The following CDCP1 variants were observed in gnomAD, a reference collection of about 807,000 sequenced individuals.
CDCP1 encodes CUB domain-containing protein 1.
A neutral mutation model predicts 60.2 loss-of-function variants in CDCP1; 29 were observed. The observed-to-expected ratio is 0.48, with a 90% confidence interval of 0.36 to 0.66. CDCP1 has a LOEUF of 0.66. Among genes scored for constraint, CDCP1 ranks in the 30% least tolerant of loss-of-function variants. CDCP1 has a pLI of 0.00. For missense variants in CDCP1, 876 were observed against 1,074.3 expected (o/e 0.82, Z 2.58); for synonymous variants, 387 against 431.1 (o/e 0.90, Z 1.27).
chr3:45,091,312 G>T lies in CDCP1; in HGVS notation c.1854C>A (p.Ile618=). 1.9e-6 allele frequency: 3 copies of T among 1,614,112 alleles called. No individual in the cohort carries two copies. The highest frequency in any genetic ancestry group is 2.5e-6 in the Non-Finnish European group (3 of 1,180,030). ...GGAGCACATCCTCGTCCAGGCTGAA[G>T]ATCTCCTCAGCCCGGGTCCGCTGCT... ...IQEQRTRAEE[I]FSLDEDVLPK... Residue 618 remains isoleucine (I), a synonymous_variant, in exon 7 of 9, where the codon ATC becomes ATA. Transcript: ENST00000296129. This position sits in a 1 kb window ranked among gnomAD's most constrained non-coding sequence, Gnocchi z 4.8.
At chr3:45,126,155 T>TTTCC (rs1698988665) in intron 1 of CDCP1, among the ~76,000 whole-genome samples, 1 of 143,286 alleles carries the variant, frequency 7.0e-6, no homozygotes, top group African/African-American at 2.7e-5. Context: ...TCTTTCTTTC[T>TTTCC]TTCTTTCTTT....
At chr3:45,132,588 C>T (rs558853571) in intron 1 of CDCP1, among the ~76,000 whole-genome samples, 2 of 23,352 alleles carry the variant, frequency 8.6e-5, no homozygotes, top group African/African-American at 1.1e-4. Context: ...GTAATACTCC[C>T]TGCTTCTGTG....
chr3:45,086,106 C>CAAG, intron 8 of CDCP1, 39 bp from the exon 9 acceptor site: 1 of 1,570,344 alleles, frequency 6.4e-7, no homozygotes, highest in Non-Finnish European at 8.7e-7. Context: ...GTCAGAAAGG[C>CAAG]AAGAATCTTC....
At chr3:45,121,704 C>T (rs1159726650) in intron 1 of CDCP1, among the ~76,000 whole-genome samples, 1 of 152,136 alleles carries the variant, frequency 6.6e-6, no homozygotes, top group African/African-American at 2.4e-5. Flanking sequence ...TACCAGGGGG[C>T]AAAGCAGACC....
chr3:45,093,129 C>T (rs1260119408), intron 6 of CDCP1, 148 bp downstream of exon 6: 1 of 839,528 alleles, frequency 1.2e-6, no homozygotes, highest in Non-Finnish European at 1.8e-6. Flanking sequence ...GATTAGGACT[C>T]ACTATCTTTC....
chr3:45,095,559 T>A lies in CDCP1; in HGVS notation c.1034A>T (p.Tyr345Phe), dbSNP rs982050648. The stretch of plus-strand genomic sequence containing the variant: ...TCGCTCATTACTCAAGTCAACCACG[T>A]AGATTTTATCTGAAACCACAAACAG... The part of the protein sequence containing the change: ...QHPQNESNKI[Y>F]VVDLSNERAM... The change falls in exon 5 of 9, where the codon TAC becomes TTC. Residue 345 changes from tyrosine to phenylalanine, a missense_variant. Coordinates refer to ENST00000296129, the MANE Select transcript of CDCP1 (RefSeq NM_022842.5). The A allele has an allele frequency of 9.9e-6, 16 of 1,613,830 alleles. No homozygotes were observed. The highest frequency in any genetic ancestry group is 1.6e-4 in the Middle Eastern group (1 of 6,084).
chr3:45,107,004 C>T (rs921593815), intron 4 of CDCP1, among the ~76,000 whole-genome samples: 1 of 152,136 alleles, frequency 6.6e-6, no homozygotes, highest in East Asian at 1.9e-4. Context: ...ACAGATGGGG[C>T]CTCCTGCACA....
In CDCP1 at chr3:45,085,509, T is replaced by A; in HGVS notation, c.*129A>T. ...CCACTGAGCAATGTGAAGTTGGCGG[T>A]GTCCAGGAAAACCTCCTGCTGTTCC... On this transcript the variant is annotated 3_prime_UTR_variant, in exon 9 of 9. Coordinates refer to ENST00000296129, the MANE Select transcript of CDCP1 (RefSeq NM_022842.5). The surrounding 1 kb of genome is among the most constrained non-coding windows in gnomAD (Gnocchi z 4.2). The A allele has an allele frequency of 1.1e-6, 1 of 901,640 alleles. No homozygotes were observed. Among genetic ancestry groups the A allele is most frequent in the South Asian group, 1.6e-5 (1 of 60,612 alleles). The allele number at this position is 901,640 out of a possible 1,614,324, so 55.9% of individuals were successfully genotyped here.
At chr3:45,119,548 T>C (rs1179018031) in intron 1 of CDCP1, among the ~76,000 whole-genome samples, 3 of 152,232 alleles carry the variant, frequency 2.0e-5, no homozygotes, top group Non-Finnish European at 4.4e-5. Flanking sequence ...ACAGTTCATG[T>C]AGCACCATGT....
intron 1 of CDCP1, among the ~76,000 whole-genome samples, chr3:45,124,672 T>C (rs753850831): frequency 2.0e-5 from 3 of 152,170 alleles, no homozygotes; most frequent in Non-Finnish European, 4.4e-5. Context: ...GCAGCTGGTG[T>C]TTCCTCCATC....
rs56655432 is a variant in CDCP1, at chr3:45,088,558, T to A, written c.2081+496A>T. ...ACTGAGGCAGTTAACTGGGCCTTCC[T>A]TCCTCTGGGCCACAGGCCTGGCCTC... is the stretch of plus-strand genomic sequence containing the variant. On this transcript the variant is annotated intron_variant, in intron 8 of 8. Coordinates refer to ENST00000296129, the MANE Select transcript of CDCP1 (RefSeq NM_022842.5). Among the ~76,000 whole-genome samples, 14 of 152,342 alleles carry A rather than the reference T, an allele frequency of 9.2e-5. No homozygotes were observed. The East Asian group carries it at 2.7e-3, about 29-fold the overall frequency.
At chr3:45,097,871 T>G (rs1244361415) in intron 4 of CDCP1, among the ~76,000 whole-genome samples, 1 of 152,238 alleles carries the variant, frequency 6.6e-6, no homozygotes, top group East Asian at 1.9e-4. Context: ...ATTAGAGAGA[T>G]GCCATGTCTA....
chr3:45,112,391 G>A lies in CDCP1; in HGVS notation c.347C>T (p.Ser116Leu), dbSNP rs1258029043. Reference protein sequence around the residue: ...FGEVQLQPSTSLLPTLNRTFI... With the variant: ...FGEVQLQPSTLLLPTLNRTFI... ...AGTTCTGTTGAGGGTAGGCAACAAC[G>A]ATGTCGAGGGCTGAAGCTGAACCTC... Residue 116 changes from serine (S) to leucine (L), a missense_variant, in exon 3 of 9, where the codon TCG becomes TTG. Ser to Leu is a moderately radical substitution (Grantham distance 145). This residue lies in a region of CDCP1 where 726 missense variants were observed against 935.7 expected (regional missense o/e 0.78). Transcript: ENST00000296129. 6.2e-7 allele frequency: 1 copy of A among 1,614,092 alleles called. No individual in the cohort carries two copies. The highest frequency in any genetic ancestry group is 1.3e-5 in the African/African-American group (1 of 74,940).
chr3:45,146,252 C>A lies in CDCP1; in HGVS notation c.36G>T (p.Leu12=). 1 of 1,597,332 alleles carries A rather than the reference C, an allele frequency of 6.3e-7. No individual in the cohort carries two copies. The highest frequency in any genetic ancestry group is 8.5e-7 in the Non-Finnish European group (1 of 1,174,050). Residue 12 remains leucine, a synonymous_variant, in exon 1 of 9, where the codon CTG becomes CTT. Coordinates refer to ENST00000296129, the MANE Select transcript of CDCP1 (RefSeq NM_022842.5). The part of the protein sequence containing the change: ...AGLNCGVSIA[L]LGVLLLGAAR... ...CCGCACCCAGCAGCAGAACCCCTAG[C>A]AGTGCGATAGAGACCCCGCAGTTCA...
chr3:45,137,652 C>CACAA (rs1699210423), intron 1 of CDCP1, among the ~76,000 whole-genome samples: 1 of 118,160 alleles, frequency 8.5e-6, no homozygotes, highest in African/African-American at 3.2e-5. Flanking sequence ...ATTAAAAATA[C>CACAA]AAAAAAAAAA....
intron 1 of CDCP1, among the ~76,000 whole-genome samples, chr3:45,128,691 T>C (rs982203318): frequency 3.3e-5 from 5 of 152,194 alleles, no homozygotes; most frequent in African/African-American, 1.2e-4. Context: ...AAGAAAATGA[T>C]ATGTGATGAT....
intron 1 of CDCP1, among the ~76,000 whole-genome samples, chr3:45,134,269 C>T (rs558388577): frequency 7.3e-4 from 111 of 152,220 alleles, no homozygotes; most frequent in Non-Finnish European, 1.2e-3. Context: ...AGACTACAGG[C>T]GCCCGCCACC....
chr3:45,142,203 C>A (rs1699302390), intron 1 of CDCP1, among the ~76,000 whole-genome samples: 1 of 152,072 alleles, frequency 6.6e-6, no homozygotes, highest in South Asian at 2.1e-4. Context: ...GTGGTCTTAT[C>A]ATCTCCCACT....
chr3:45,105,652 C>T lies in CDCP1; in HGVS notation c.1024+4821G>A, dbSNP rs7652913. Among the ~76,000 whole-genome samples, 1,138 of 152,206 alleles carry T rather than the reference C, an allele frequency of 7.5e-3. 15 individuals carry two copies. The highest frequency in any genetic ancestry group is 0.026 in the African/African-American group (1,085 of 41,508). ...CAGTAGGCTAGTAGGCTAGAAGGCT[C>T]TCCCTAAAGCCTTATAGATGGGTAG... On this transcript the variant is annotated intron_variant, in intron 4 of 8. Coordinates refer to ENST00000296129, the MANE Select transcript of CDCP1 (RefSeq NM_022842.5).
Sources: allele counts gnomAD v4.1 joint callset (sites outside exome capture counted in the v4.1 genomes callset), GRCh38; gene constraint gnomAD v4.1.1; regional missense constraint gnomAD v4.1.1; non-coding constraint Gnocchi (gnomAD v3.1); transcripts MANE v1.5; gene names NCBI Gene and HGNC (gene_info 2026-07-23, HGNC 2026-07-21).